KARS1: variants seen among roughly 807,000 people sequenced by gnomAD.
KARS1 encodes the protein lysine--tRNA ligase.
KARS1 carries 50 observed loss-of-function variants against 63.9 expected under a neutral mutation model. That is an observed-to-expected ratio of 0.78 (90% confidence interval 0.62 to 0.99). The LOEUF (loss-of-function observed/expected upper bound fraction) is 0.99. Among genes scored for constraint, KARS1 ranks in the 50% least tolerant of loss-of-function variants. The pLI is 0.00. For synonymous variants in KARS1, 320 were observed against 264.6 expected, an observed-to-expected ratio of 1.21 and a Z score of -2.03; for missense variants, 816 against 754.5, an observed-to-expected ratio of 1.08 and a Z score of -0.95.
intron 1 of KARS1, among the ~76,000 whole-genome samples, chr16:75,644,991 G>A (rs566621917): frequency 8.5e-5 from 13 of 152,328 alleles, no homozygotes; most frequent in Admixed American, 2.6e-4. Flanking sequence ...CTTAGACTGC[G>A]TTATGTTTAT....
At chr16:75,634,387 C>A in intron 6 of KARS1, 95 bp from the exon 7 acceptor site, 1 of 1,270,204 alleles carries the variant, frequency 7.9e-7, no homozygotes, top group Non-Finnish European at 1.1e-6. Flanking sequence ...GCCTGTTATA[C>A]CCCAAACTAA....
intron 2 of KARS1, 98 bp from the exon 3 acceptor site, chr16:75,640,447 C>T: frequency 1.8e-6 from 2 of 1,099,794 alleles, no homozygotes; most frequent in East Asian, 4.7e-5. Context: ...CCCGAGTGAC[C>T]CCAATACATT....
intron 3 of KARS1, among the ~76,000 whole-genome samples, chr16:75,639,509 T>C (rs2082199589): frequency 2.7e-5 from 4 of 147,376 alleles, no homozygotes; most frequent in Admixed American, 2.7e-4. Flanking sequence ...GGGGCAGAGG[T>C]TGCAGTAAGC....
rs746727648 is a variant in KARS1 at position 75,641,515 on chromosome 16, A to T, written c.222+49T>A. 4 of 1,560,748 alleles carry T rather than the reference A, an allele frequency of 2.6e-6. No homozygotes were observed. The South Asian group carries it at 4.5e-5, about 18-fold the overall frequency. On this transcript the variant is annotated intron_variant, in intron 2 of 13. Transcript: ENST00000302445. ...TCCCAAAGAATCTGCCAGAAGCCTC[A>T]TCAGAAGCTTTCCTGTGCCCAACCA...
At chr16:75,640,791 C>T (rs2082215828) in intron 2 of KARS1, among the ~76,000 whole-genome samples, 1 of 152,206 alleles carries the variant, frequency 6.6e-6, no homozygotes, top group South Asian at 2.1e-4. Context: ...TCTACAGCAG[C>T]CTTTCTCACA....
intron 1 of KARS1, among the ~76,000 whole-genome samples, chr16:75,646,299 T>C (rs2082282564): frequency 1.3e-5 from 2 of 152,280 alleles, no homozygotes; most frequent in Non-Finnish European, 2.9e-5. Context: ...TCCCAGCACT[T>C]TGGGAGGCCA....
At chr16:75,629,332 C>T (rs1370268068) in intron 12 of KARS1, 83 bp downstream of exon 12, 41 of 1,557,090 alleles carry the variant, frequency 2.6e-5, no homozygotes, top group East Asian at 2.0e-4. Flanking sequence ...TCACCAAGAA[C>T]GTATACGCTG....
Position 75,636,051 on chromosome 16 carries a change from C to T in KARS1, c.530G>A (p.Arg177His), listed in dbSNP as rs569542762. ...CTGAACTCCAATTATGTCTCCCCGA[C>T]GCAGTTTGTTATTAATATGAATAAA... ...EEFIHINNKLRRGDIIGVQGN... is the reference protein window; with the variant it reads ...EEFIHINNKLHRGDIIGVQGN... Residue 177 changes from arginine to histidine, a missense_variant, in exon 5 of 14, where the codon CGT becomes CAT. Physicochemically the swap from Arg to His is conservative, Grantham distance 29 (BLOSUM62 0). Transcript: ENST00000302445. 22 of 1,607,366 alleles carry T rather than the reference C, an allele frequency of 1.4e-5. No homozygotes were observed. Among genetic ancestry groups the T allele is most frequent in the East Asian group, 6.7e-5 (3 of 44,850 alleles).
At chr16:75,632,444 G>A (rs2082124091) in intron 7 of KARS1, among the ~76,000 whole-genome samples, 1 of 152,182 alleles carries the variant, frequency 6.6e-6, no homozygotes. Context: ...TTGGGGTTAG[G>A]CTGCAGGCGT....
At chr16:75,635,849 C>G (rs773035996) in intron 5 of KARS1, 44 bp from the exon 6 acceptor site, 5 of 1,613,996 alleles carry the variant, frequency 3.1e-6, no homozygotes, top group African/African-American at 1.3e-5. Context: ...ATGTCTGATC[C>G]AAAGGTATGA....
At position 75,637,513 on chromosome 16, in the gene KARS1, C is replaced by T. The variant is rs534156159; in HGVS notation, c.389-966G>A. 7.2e-5 allele frequency among the ~76,000 whole-genome samples: 11 copies of T among 152,110 alleles called. No homozygotes were observed. The South Asian group carries it at 1.0e-3, about 14-fold the overall frequency. The stretch of plus-strand genomic sequence containing the variant: ...AAAGGAGGCCAGGTGCTGTGGCTCA[C>T]GCTTGTAATCCCAGGACTTTGGGAG... On this transcript the variant is annotated intron_variant, in intron 3 of 13. Coordinates refer to ENST00000302445, the MANE Select transcript of KARS1 (RefSeq NM_005548.3).
rs2082211695 is a variant in KARS1 at position 75,640,432 on chromosome 16, C to T, written c.223-83G>A. ...GGCCCACCTAGCAGAGGGCAGTATT[C>T]TGCCCCCGAGTGACCCCAATACATT... On this transcript the variant is annotated intron_variant, in intron 2 of 13. Coordinates refer to ENST00000302445, the MANE Select transcript of KARS1 (RefSeq NM_005548.3). The T allele has an allele frequency of 3.7e-6, 5 of 1,339,302 alleles. No homozygotes were observed. In the South Asian group the frequency reaches 5.9e-5, roughly 16 times the overall value. The allele number at this position is 1,339,302 out of a possible 1,614,324, so 83.0% of individuals were successfully genotyped here.
rs771256082 is a variant in KARS1 at position 75,631,134 on chromosome 16, T to C, written c.1338+34A>G. On this transcript the variant is annotated intron_variant, in intron 10 of 13. Transcript: ENST00000302445. ...GAAGAGGGAACCATTCAGCACCAGA[T>C]GAGGACATGTACAAGAAGGCAGGGC... 5.2e-6 allele frequency: 8 copies of C among 1,551,866 alleles called. No individual in the cohort carries two copies. The Admixed American group carries it at 1.4e-4, about 26-fold the overall frequency.
intron 2 of KARS1, 137 bp downstream of exon 2, chr16:75,641,427 G>A: frequency 1.4e-6 from 1 of 719,564 alleles, no homozygotes; most frequent in Non-Finnish European, 2.4e-6. Flanking sequence ...ACCAGATGCA[G>A]TGGGAGACCC....
In KARS1 at chr16:75,635,758, A is replaced by C. The variant is rs117188693; in HGVS notation, c.717T>G (p.Phe239Leu). The change falls in exon 6 of 14, where the codon TTT (phenylalanine) becomes TTG (leucine). Residue 239 changes from phenylalanine to leucine, a missense_variant. Physicochemically the swap from Phe to Leu is conservative, Grantham distance 22. Coordinates refer to ENST00000302445, the MANE Select transcript of KARS1 (RefSeq NM_005548.3). ...AGCGGATGATAAATTTCTGCCTCAC[A>C]AAGTCATTCAGGATCAAGTCCAAGT... Reference protein sequence around the residue: ...QRYLDLILNDFVRQKFIIRSK... With the variant: ...QRYLDLILNDLVRQKFIIRSK... The C allele has an allele frequency of 8.6e-4, 1,391 of 1,614,210 alleles. 1 individual carries two copies. The highest frequency in any genetic ancestry group is 1.1e-3 in the Non-Finnish European group (1,267 of 1,180,006).
intron 7 of KARS1, among the ~76,000 whole-genome samples, chr16:75,632,956 G>A (rs1324441344): frequency 6.6e-6 from 1 of 152,100 alleles, no homozygotes; most frequent in African/African-American, 2.4e-5. Flanking sequence ...GGAAAATAGA[G>A]GCTTCCCCAG....
chr16:75,637,866 C>G (rs2082179408), intron 3 of KARS1, among the ~76,000 whole-genome samples: 1 of 142,584 alleles, frequency 7.0e-6, no homozygotes, highest in South Asian at 2.2e-4. Context: ...TAGGACAAGA[C>G]CGTAAAAACT....
At chr16:75,634,353 T>A in intron 6 of KARS1, 61 bp from the exon 7 acceptor site, 1 of 1,566,446 alleles carries the variant, frequency 6.4e-7, no homozygotes, top group South Asian at 1.1e-5. Context: ...GGACAGACCA[T>A]GCTTTGCATG....
rs528318978 is a variant in KARS1 at position 75,629,731 on chromosome 16, G to A, written c.1425-190C>T. On this transcript the variant is annotated intron_variant, in intron 11 of 13. Transcript: ENST00000302445. ...TCTCCTGCCTCAGCCTTGAGTAGCC[G>A]GGATCACAGGCCCATGCCACTATGC... is the stretch of plus-strand genomic sequence containing the variant. Among the ~76,000 whole-genome samples, 4 of 152,260 alleles carry A rather than the reference G, an allele frequency of 2.6e-5. No homozygotes were observed. In the South Asian group the frequency reaches 6.2e-4, roughly 24 times the overall value.
Sources: allele counts gnomAD v4.1 joint callset (sites outside exome capture counted in the v4.1 genomes callset), GRCh38; gene constraint gnomAD v4.1.1; transcripts MANE v1.5; gene names NCBI Gene and HGNC (gene_info 2026-07-23, HGNC 2026-07-21).